ZSWIM9: variants seen among roughly 807,000 people sequenced by gnomAD.
ZSWIM9 encodes the protein uncharacterized protein ZSWIM9.
A neutral mutation model predicts 25.0 loss-of-function variants in ZSWIM9; 11 were observed. The ratio of observed to expected loss-of-function variants is 0.44; its 90% CI spans 0.28 to 0.73. The LOEUF (loss-of-function observed/expected upper bound fraction) is 0.73, where lower values mean the gene tolerates loss of function less well. Ranked by LOEUF, ZSWIM9 falls within the 30% of genes least tolerant of loss-of-function variation. The probability of loss-of-function intolerance (pLI) is 0.16; values close to 1 mark genes in which losing one functional copy is unlikely to be tolerated. For synonymous variants in ZSWIM9, 562 were observed against 582.1 expected, an observed-to-expected ratio of 0.97 and a Z score of 0.50; for missense variants, 1,070 against 1,296.5, an observed-to-expected ratio of 0.83 and a Z score of 2.68.
intron 3 of ZSWIM9, among the ~76,000 whole-genome samples, chr19:48,192,672 G>A (rs909493918): frequency 2.0e-5 from 3 of 150,660 alleles, no homozygotes; most frequent in African/African-American, 7.3e-5. Context: ...GTGGCCTTGG[G>A]CAAGTCACTC....
chr19:48,195,630 T>C lies in ZSWIM9; in HGVS notation c.1566T>C (p.Asp522=), dbSNP rs1264864314. 3.0e-5 allele frequency: 42 copies of C among 1,409,596 alleles called. No homozygotes were observed. Among genetic ancestry groups the C allele is most frequent in the Non-Finnish European group, 3.9e-5 (42 of 1,088,418 alleles). 87.3% of individuals were successfully genotyped at this position (1,409,596 alleles called of 1,614,324 possible). ...GEKGRALQIR[D]WRGGRLENQK... is the part of the protein sequence containing the mutation. ...AGGGGAGGGCACTGCAGATCAGAGA[T>C]TGGAGAGGGGGTCGGTTGGAGAATC... The change falls in exon 4 of 4, where the codon GAT becomes GAC. Residue 522 remains aspartate (D), a synonymous_variant. Coordinates refer to ENST00000614654, the MANE Select transcript of ZSWIM9 (RefSeq NM_199341.4). This position sits in a 1 kb window ranked among gnomAD's most constrained non-coding sequence, Gnocchi z 5.8.
At chr19:48,171,132 A>T (rs1276905471) in intron 1 of ZSWIM9, 1 of 574,232 alleles carries the variant, frequency 1.7e-6, no homozygotes, top group Non-Finnish European at 2.2e-6. Flanking sequence ...TGGAGATGAG[A>T]GTGTCTCAGG....
chr19:48,197,254 A>G lies in ZSWIM9; in HGVS notation c.*427A>G. On this transcript the variant is annotated 3_prime_UTR_variant, in exon 4 of 4. Coordinates refer to ENST00000614654, the MANE Select transcript of ZSWIM9 (RefSeq NM_199341.4). ...GGGAAAGGGAGAAAGTACAGAAGAC[A>G]GATGAAGGAGAGGAGGTAAGCGAGA... The G allele has an allele frequency of 1.4e-6, 1 of 702,650 alleles. No individual in the cohort carries two copies. The allele number at this position is 702,650 out of a possible 1,614,324, so 43.5% of individuals were successfully genotyped here.
Position 48,195,574 on chromosome 19 carries a change from G to A in ZSWIM9, c.1510G>A (p.Asp504Asn). Residue 504 changes from aspartate (D) to asparagine (N), a missense_variant, in exon 4 of 4, where the codon GAC becomes AAC. By Grantham distance (23) the Asp-to-Asn change is conservative (BLOSUM62 1). Coordinates refer to ENST00000614654, the MANE Select transcript of ZSWIM9 (RefSeq NM_199341.4). The surrounding 1 kb of genome is among the most constrained non-coding windows in gnomAD (Gnocchi z 5.8). ...KEWARALETRDWGGAQFEGEK... is the reference protein window; with the variant it reads ...KEWARALETRNWGGAQFEGEK... ...GTGGGCAAGGGCACTGGAAACCAGA[G>A]ACTGGGGCGGGGCTCAGTTCGAAGG... 4 of 1,415,912 alleles carry A rather than the reference G, an allele frequency of 2.8e-6. No individual in the cohort carries two copies. The highest frequency in any genetic ancestry group is 3.7e-6 in the Non-Finnish European group (4 of 1,090,550). 87.7% of individuals were successfully genotyped at this position (1,415,912 alleles called of 1,614,324 possible).
At chr19:48,188,744 C>T (rs1413700835) in intron 3 of ZSWIM9, among the ~76,000 whole-genome samples, 1 of 151,998 alleles carries the variant, frequency 6.6e-6, no homozygotes, top group Non-Finnish European at 1.5e-5. Context: ...TAAGAATACT[C>T]AATGGGGCCA....
intron 3 of ZSWIM9, among the ~76,000 whole-genome samples, chr19:48,192,449 CAAAAAAAAAAAAAA>C (rs57895777): frequency 0.054 from 492 of 9,116 alleles, 66 homozygotes; most frequent in Admixed American, 0.077. Flanking sequence ...GACTCTGTCT[CAAAAAAAAAAAAAA>C]AAAAAAAAAA....
intron 2 of ZSWIM9, 62 bp downstream of exon 2, chr19:48,172,139 T>TG: frequency 4.5e-6 from 2 of 443,042 alleles, no homozygotes; most frequent in Non-Finnish European, 8.0e-6. Context: ...TGGGTGTGGG[T>TG]GGGAGACGGG....
At chr19:48,183,304 T>A (rs983554869) in intron 3 of ZSWIM9, among the ~76,000 whole-genome samples, 1 of 152,076 alleles carries the variant, frequency 6.6e-6, no homozygotes, top group African/African-American at 2.4e-5. Context: ...TTTTTTTGTA[T>A]TTTTAGTAGA....
chr19:48,188,813 C>T (rs936089381), intron 3 of ZSWIM9, among the ~76,000 whole-genome samples: 2 of 151,846 alleles, frequency 1.3e-5, no homozygotes, highest in African/African-American at 4.8e-5. Context: ...GGGTGGATCA[C>T]GAGGTCAGGA....
intron 3 of ZSWIM9, among the ~76,000 whole-genome samples, chr19:48,183,833 G>GA (rs1050439992): frequency 6.7e-6 from 1 of 150,180 alleles, no homozygotes; most frequent in African/African-American, 2.5e-5. Context: ...ATGTTTGGCG[G>GA]GGGGGGGTCT....
At chr19:48,187,506 TTATA>T (rs1479966221) in intron 3 of ZSWIM9, among the ~76,000 whole-genome samples, 1 of 86,866 alleles carries the variant, frequency 1.2e-5, no homozygotes, top group Non-Finnish European at 2.1e-5. Context: ...ATATATTATA[TTATA>T]TTATATATAT....
chr19:48,187,459 A>AATTATATAT (rs1201351441), intron 3 of ZSWIM9, among the ~76,000 whole-genome samples: 1 of 81,262 alleles, frequency 1.2e-5, no homozygotes, highest in Non-Finnish European at 2.3e-5. Context: ...ATTATATATT[A>AATTATATAT]ATTATATATA....
chr19:48,187,487 TATATTATA>T (rs2037033611), intron 3 of ZSWIM9, among the ~76,000 whole-genome samples: 1 of 49,310 alleles, frequency 2.0e-5, no homozygotes, highest in Non-Finnish European at 3.5e-5. Flanking sequence ...TATTATATAT[TATATTATA>T]ATATATTATA....
intron 2 of ZSWIM9, among the ~76,000 whole-genome samples, chr19:48,177,181 C>T (rs939868326): frequency 2.6e-5 from 4 of 152,024 alleles, no homozygotes; most frequent in Non-Finnish European, 5.9e-5. Flanking sequence ...GGCTGTGAGG[C>T]CTGAAAGATG....
intron 2 of ZSWIM9, among the ~76,000 whole-genome samples, chr19:48,179,463 T>G (rs2036925543): frequency 6.6e-6 from 1 of 152,168 alleles, no homozygotes; most frequent in African/African-American, 2.4e-5. Context: ...TGCTAGCCAC[T>G]GCACCCGGCC....
At chr19:48,173,169 T>G (rs1457161096) in intron 2 of ZSWIM9, among the ~76,000 whole-genome samples, 1 of 152,218 alleles carries the variant, frequency 6.6e-6, no homozygotes, top group African/African-American at 2.4e-5. Flanking sequence ...ACAGAAAGAT[T>G]GACGTTAAAA....
In ZSWIM9 at chr19:48,196,931, T is replaced by A; in HGVS notation, c.*104T>A. The A allele has an allele frequency of 8.5e-7, 1 of 1,171,424 alleles. No homozygotes were observed. 72.6% of individuals were successfully genotyped at this position (1,171,424 alleles called of 1,614,324 possible). On this transcript the variant is annotated 3_prime_UTR_variant, in exon 4 of 4. Coordinates refer to ENST00000614654, the MANE Select transcript of ZSWIM9 (RefSeq NM_199341.4). ...GCCAAGGAGACCGTTGCAGTCCCCC[T>A]GGCCACCTTCTGGGTCATCCAGGGA...
At chr19:48,190,771 T>C (rs1417693824) in intron 3 of ZSWIM9, among the ~76,000 whole-genome samples, 1 of 152,254 alleles carries the variant, frequency 6.6e-6, no homozygotes, top group Non-Finnish European at 1.5e-5. Context: ...TACACAGGCC[T>C]CCTGCAGCTT....
At chr19:48,188,577 C>T (rs865949795) in intron 3 of ZSWIM9, among the ~76,000 whole-genome samples, 22 of 152,204 alleles carry the variant, frequency 1.4e-4, no homozygotes, top group African/African-American at 5.1e-4. Flanking sequence ...GCTTTGGGGT[C>T]CAGTCACATC....
Sources: gnomAD v4.1 joint callset for allele counts (sites outside exome capture counted in the v4.1 genomes callset) on GRCh38, gnomAD v4.1.1 for gene constraint, Gnocchi (gnomAD v3.1) non-coding constraint, MANE v1.5 for transcripts, NCBI Gene and HGNC (gene_info 2026-07-23, HGNC 2026-07-21) for gene names.